Variants in ANXA10 observed in about 807,000 individuals in gnomAD.
The protein encoded by ANXA10 is annexin A10, also known as annexin 14.
In ANXA10, 49 loss-of-function variants were observed where a neutral mutation model predicts 53.5. The ratio of observed to expected loss-of-function variants is 0.92; its 90% CI spans 0.73 to 1.16. ANXA10 has a LOEUF of 1.16. ANXA10 is among the 50% of genes most tolerant of loss of function. ANXA10 has a pLI of 0.00. For synonymous variants in ANXA10, 131 were observed against 128.9 expected (o/e 1.02, Z -0.11); for missense variants, 393 against 394.4 (o/e 1.00, Z 0.03).
intron 6 of ANXA10, among the ~76,000 whole-genome samples, chr4:168,175,508 C>A (rs1250079229): frequency 6.6e-6 from 1 of 152,124 alleles, no homozygotes; most frequent in African/African-American, 2.4e-5. Context: ...AACAATCAGA[C>A]CTTGGGCAAT....
chr4:168,148,904 A>G (rs1264556316), intron 3 of ANXA10, among the ~76,000 whole-genome samples: 2 of 152,066 alleles, frequency 1.3e-5, no homozygotes, highest in Non-Finnish European at 2.9e-5. Context: ...ATAGCTATAG[A>G]ATTCTGGGTG....
Position 168,177,807 on chromosome 4 carries a change from G to A in ANXA10, c.534+14G>A, listed in dbSNP as rs1224004389. The A allele has an allele frequency of 3.7e-6, 6 of 1,614,046 alleles. No homozygotes were observed. The highest frequency in any genetic ancestry group is 5.1e-6 in the Non-Finnish European group (6 of 1,180,024). On this transcript the variant is annotated intron_variant, in intron 7 of 11. Coordinates refer to ENST00000359299, the MANE Select transcript of ANXA10 (RefSeq NM_007193.5). The stretch of plus-strand genomic sequence containing the variant: ...CAGGATGCAATGGTAACTAGAACCA[G>A]TTCTCAGACTGACTGCAAAGAACCT...
rs754205507 is a variant in ANXA10, at chr4:168,187,342, A to T, written c.907-24A>T. The stretch of plus-strand genomic sequence containing the variant: ...AGAACTATTATGATATTTTATTTCA[A>T]ATATATTATATTTTTCTTTTCAGAA... On this transcript the variant is annotated intron_variant, in intron 11 of 11. Coordinates refer to ENST00000359299, the MANE Select transcript of ANXA10 (RefSeq NM_007193.5). 3.4e-6 allele frequency: 5 copies of T among 1,475,628 alleles called. No individual in the cohort carries two copies. The South Asian group carries it at 6.3e-5, about 19-fold the overall frequency. 91.4% of individuals were successfully genotyped at this position (1,475,628 alleles called of 1,614,324 possible).
chr4:168,122,897 T>C (rs2149468743), intron 1 of ANXA10, among the ~76,000 whole-genome samples: 1 of 152,292 alleles, frequency 6.6e-6, no homozygotes, highest in Non-Finnish European at 1.5e-5. Context: ...ATTCAAATCA[T>C]ATCACATATT....
rs116454149 is a variant in ANXA10 at position 168,181,398 on chromosome 4, A to T, written c.725-285A>T. ...AGAACGAGACTCCGTCTCAAAAAAAAAAAAAAAAAGAAGATGATAAAGTTT... is the reference window on the plus strand; with the variant it reads ...AGAACGAGACTCCGTCTCAAAAAAATAAAAAAAAAGAAGATGATAAAGTTT... On this transcript the variant is annotated intron_variant, in intron 9 of 11. Transcript: ENST00000359299. Among the ~76,000 whole-genome samples, 1,515 of 151,950 alleles carry T rather than the reference A, an allele frequency of 1.0e-2. 34 individuals are homozygous for T. The highest frequency in any genetic ancestry group is 0.035 in the African/African-American group (1,439 of 41,420).
intron 10 of ANXA10, among the ~76,000 whole-genome samples, chr4:168,182,318 A>AT (rs542260478): frequency 0.31 from 14,804 of 47,746 alleles, 5,072 homozygotes; most frequent in South Asian, 0.38. Context: ...TGGAGCATTA[A>AT]TTTTTTTTTT....
At chr4:168,170,646 A>G (rs1731965824) in intron 6 of ANXA10, among the ~76,000 whole-genome samples, 1 of 152,206 alleles carries the variant, frequency 6.6e-6, no homozygotes, top group Non-Finnish European at 1.5e-5. Context: ...ACAGCACTTA[A>G]GTATAGTAAA....
At chr4:168,156,071 T>C (rs28970590) in intron 3 of ANXA10, among the ~76,000 whole-genome samples, 2 of 67,586 alleles carry the variant, frequency 3.0e-5, no homozygotes, top group East Asian at 1.2e-3. Flanking sequence ...TATCATATAT[T>C]ATATATATTA....
intron 1 of ANXA10, among the ~76,000 whole-genome samples, chr4:168,120,261 A>C (rs2149468207): frequency 6.6e-6 from 1 of 152,234 alleles, no homozygotes; most frequent in Admixed American, 6.5e-5. Flanking sequence ...CCAGATGTGA[A>C]AACTTGTTAA....
chr4:168,131,781 A>G (rs1428934186), intron 2 of ANXA10, among the ~76,000 whole-genome samples: 1 of 152,010 alleles, frequency 6.6e-6, no homozygotes, highest in African/African-American at 2.4e-5. Context: ...GCTTTGAAGT[A>G]TTCTTTGTCT....
At chr4:168,155,924 A>ATATATTATATATAATT (rs1419444509) in intron 3 of ANXA10, among the ~76,000 whole-genome samples, 2 of 76,286 alleles carry the variant, frequency 2.6e-5, no homozygotes, top group African/African-American at 5.3e-5. Flanking sequence ...ATTATATATC[A>ATATATTATATATAATT]TATATTATAT....
chr4:168,174,975 A>G (rs1732093830), intron 6 of ANXA10, among the ~76,000 whole-genome samples: 1 of 152,248 alleles, frequency 6.6e-6, no homozygotes, highest in South Asian at 2.1e-4. Context: ...TAAATGGGTA[A>G]GACAAATGGG....
At chr4:168,140,750 C>G (rs552208839) in intron 3 of ANXA10, among the ~76,000 whole-genome samples, 81 of 152,084 alleles carry the variant, frequency 5.3e-4, no homozygotes, top group Non-Finnish European at 8.4e-4. Flanking sequence ...TCCTGAGTAG[C>G]TGGGATTACA....
intron 6 of ANXA10, among the ~76,000 whole-genome samples, chr4:168,174,242 A>G (rs906137924): frequency 1.3e-5 from 2 of 152,112 alleles, no homozygotes. Flanking sequence ...TTGGCTCCAC[A>G]TGCCCCCTTT....
chr4:168,126,134 C>G (rs556540408), intron 1 of ANXA10, among the ~76,000 whole-genome samples: 4 of 151,664 alleles, frequency 2.6e-5, no homozygotes, highest in Non-Finnish European at 4.4e-5. Flanking sequence ...AAAAATCATG[C>G]ATATAAAAAG....
intron 6 of ANXA10, among the ~76,000 whole-genome samples, chr4:168,173,947 C>T (rs1002954942): frequency 3.3e-5 from 5 of 152,032 alleles, no homozygotes; most frequent in Admixed American, 6.6e-5. Context: ...CCCATAAAAA[C>T]GCTGGACTCA....
chr4:168,156,069 A>T (rs796106462), intron 3 of ANXA10, among the ~76,000 whole-genome samples: 2 of 71,680 alleles, frequency 2.8e-5, no homozygotes, highest in Non-Finnish European at 4.7e-5. Flanking sequence ...TATATCATAT[A>T]TTATATATAT....
At chr4:168,097,615 G>C (rs944033623) in intron 1 of ANXA10, among the ~76,000 whole-genome samples, 11 of 151,974 alleles carry the variant, frequency 7.2e-5, no homozygotes, top group African/African-American at 2.7e-4. Flanking sequence ...ATTAAGCCTT[G>C]CTATTATCCT....
chr4:168,146,482 A>G (rs1731408423), intron 3 of ANXA10, among the ~76,000 whole-genome samples: 1 of 152,236 alleles, frequency 6.6e-6, no homozygotes, highest in African/African-American at 2.4e-5. Context: ...GAAAAACGCA[A>G]GTCAACCTTT....
Sources: gnomAD v4.1 joint callset for allele counts (sites outside exome capture counted in the v4.1 genomes callset) on GRCh38, gnomAD v4.1.1 for gene constraint, MANE v1.5 for transcripts, NCBI Gene and HGNC (gene_info 2026-07-23, HGNC 2026-07-21) for gene names.